Variants in SKIL observed in about 807,000 individuals in gnomAD.
SKIL encodes the protein ski-like protein.
In SKIL, 20 loss-of-function variants were observed where a neutral mutation model predicts 69.6. The observed-to-expected ratio is 0.29, with a 90% CI of 0.20 to 0.42. The LOEUF is 0.42. SKIL is among the 10% of genes least tolerant of loss of function. SKIL has a pLI of 1.00. For synonymous variants in SKIL, 310 were observed against 279.9 expected (o/e 1.11, Z -1.08); for missense variants, 745 against 783.1 (o/e 0.95, Z 0.58).
chr3:170,378,528 T>G (rs934759942), intron 2 of SKIL, among the ~76,000 whole-genome samples: 2 of 150,720 alleles, frequency 1.3e-5, no homozygotes, highest in South Asian at 4.2e-4. Context: ...TTTGTTGAAT[T>G]GGGAATTGGA....
chr3:170,371,643 A>G (rs528507256), intron 2 of SKIL, among the ~76,000 whole-genome samples: 1 of 152,338 alleles, frequency 6.6e-6, no homozygotes, highest in South Asian at 2.1e-4. Context: ...AGGGTTCCAT[A>G]AGGGGAGATT....
At chr3:170,386,003 G>T (rs1261975695) in intron 4 of SKIL, among the ~76,000 whole-genome samples, 1 of 149,900 alleles carries the variant, frequency 6.7e-6, no homozygotes, top group Non-Finnish European at 1.5e-5. Flanking sequence ...TGTTGGTCAG[G>T]CTGGTCTTGA....
At position 170,392,944 on chromosome 3, in the gene SKIL, A is replaced by G. The variant is rs1737999372; in HGVS notation, c.*527A>G. On this transcript the variant is annotated 3_prime_UTR_variant, in exon 7 of 7. Coordinates refer to ENST00000259119, the MANE Select transcript of SKIL (RefSeq NM_005414.5). ...TTACTTTGTTCAGATTGTGGAATGA[A>G]TTTCCACCAGTTCTCTTCTTTTTAA... 6.6e-6 allele frequency: 1 copy of G among 152,272 alleles called. No homozygotes were observed. Among genetic ancestry groups the G allele is most frequent in the Non-Finnish European group, 1.5e-5 (1 of 68,086 alleles). The allele number at this position is 152,272 out of a possible 1,614,324, so 9.4% of individuals were successfully genotyped here.
intron 4 of SKIL, among the ~76,000 whole-genome samples, chr3:170,386,390 A>C (rs145817584): frequency 5.1e-4 from 78 of 152,274 alleles, no homozygotes; most frequent in African/African-American, 1.7e-3. Context: ...TCGGCCTCCC[A>C]AAGTGCTGGG....
intron 2 of SKIL, among the ~76,000 whole-genome samples, chr3:170,368,335 A>G (rs539445579): frequency 6.6e-6 from 1 of 151,898 alleles, no homozygotes; most frequent in South Asian, 2.1e-4. Flanking sequence ...ACTAGTTTAC[A>G]GAGTATTTTT....
At chr3:170,373,540 A>T (rs1736885480) in intron 2 of SKIL, among the ~76,000 whole-genome samples, 1 of 152,196 alleles carries the variant, frequency 6.6e-6, no homozygotes. Context: ...TGGAATTCCC[A>T]CTAGTGTTTT....
intron 2 of SKIL, among the ~76,000 whole-genome samples, chr3:170,365,984 G>A (rs1736488784): frequency 6.6e-6 from 1 of 151,090 alleles, no homozygotes; most frequent in South Asian, 2.1e-4. Context: ...TTGAACTCCT[G>A]ACCTCAGATG....
chr3:170,363,312 T>G (rs943873295), intron 2 of SKIL, among the ~76,000 whole-genome samples: 1 of 152,198 alleles, frequency 6.6e-6, no homozygotes, highest in Non-Finnish European at 1.5e-5. Context: ...TTTAAGGTTT[T>G]GAGGGAAATT....
intron 2 of SKIL, among the ~76,000 whole-genome samples, chr3:170,363,926 A>G (rs778055430): frequency 3.3e-5 from 5 of 151,988 alleles, no homozygotes; most frequent in Non-Finnish European, 7.4e-5. Flanking sequence ...TATTTGTGAT[A>G]TCTTGCCCCC....
rs1486854478 is a variant in SKIL, at chr3:170,394,883, A to T, written c.*2466A>T. ...TTGGCTAAAATACCTTATCCATATA[A>T]AACTTATTCTATTCTTTGCATGCTT... On this transcript the variant is annotated 3_prime_UTR_variant, in exon 7 of 7. Transcript: ENST00000259119. 6.6e-6 allele frequency: 1 copy of T among 152,156 alleles called. No homozygotes were observed. The highest frequency in any genetic ancestry group is 2.4e-5 in the African/African-American group (1 of 41,444). 9.4% of individuals were successfully genotyped at this position (152,156 alleles called of 1,614,324 possible).
intron 2 of SKIL, 85 bp from the exon 3 acceptor site, chr3:170,381,159 C>T: frequency 7.9e-6 from 6 of 761,468 alleles, no homozygotes; most frequent in East Asian, 2.5e-5. Flanking sequence ...GTTGTCTTTA[C>T]CCAGTGGCCC....
chr3:170,367,125 T>C (rs1736569968), intron 2 of SKIL, among the ~76,000 whole-genome samples: 1 of 152,214 alleles, frequency 6.6e-6, no homozygotes, highest in Non-Finnish European at 1.5e-5. Flanking sequence ...TTGTTTTTTT[T>C]GAGACGAGAG....
Position 170,360,704 on chromosome 3 carries a change from C to T in SKIL, c.373C>T (p.Pro125Ser). Residue 125 changes from proline (P) to serine (S), a missense_variant, in exon 2 of 7, where the codon CCA becomes TCA. By Grantham distance (74) the Pro-to-Ser change is moderately conservative. Transcript: ENST00000259119. ...SMSPTVFLPL[P>S]SPQVLPGPLL... ...GTCGCCTACTGTATTTCTGCCTCTTCCATCACCTCAGGTTCTTCCTGGCCC... is the reference window on the plus strand; with the variant it reads ...GTCGCCTACTGTATTTCTGCCTCTTTCATCACCTCAGGTTCTTCCTGGCCC... 1.2e-6 allele frequency: 2 copies of T among 1,614,212 alleles called. No homozygotes were observed. Among genetic ancestry groups the T allele is most frequent in the Non-Finnish European group, 1.7e-6 (2 of 1,180,030 alleles).
intron 2 of SKIL, among the ~76,000 whole-genome samples, chr3:170,377,063 CT>C (rs1737065861): frequency 6.6e-6 from 1 of 152,152 alleles, no homozygotes; most frequent in Non-Finnish European, 1.5e-5. Flanking sequence ...TCAGCTGTCA[CT>C]TAGCATCTAT....
At chr3:170,377,449 T>C (rs1577428419) in intron 2 of SKIL, among the ~76,000 whole-genome samples, 1 of 149,888 alleles carries the variant, frequency 6.7e-6, no homozygotes, top group Admixed American at 6.7e-5. Flanking sequence ...AGACCTTCAC[T>C]GAATATTCAA....
chr3:170,371,341 AAAT>A (rs1399839730), intron 2 of SKIL, among the ~76,000 whole-genome samples: 2 of 152,044 alleles, frequency 1.3e-5, no homozygotes, highest in African/African-American at 4.8e-5. Flanking sequence ...TCTCTACTAA[AAAT>A]AATAATAAAA....
At chr3:170,379,484 C>CCT (rs10634302) in intron 2 of SKIL, among the ~76,000 whole-genome samples, 116,498 of 151,744 alleles carry the variant, frequency 0.77, 45,504 homozygotes, top group East Asian at 0.93. Context: ...TCTTGCCCCC[C>CCT]CTTTTAAGTA....
At chr3:170,365,752 CTTTTTTTT>C (rs59222162) in intron 2 of SKIL, among the ~76,000 whole-genome samples, 5 of 106,452 alleles carry the variant, frequency 4.7e-5, no homozygotes, top group Non-Finnish European at 3.7e-5. Context: ...TCAAACTAGG[CTTTTTTTT>C]TTTTTTTTTT....
intron 2 of SKIL, among the ~76,000 whole-genome samples, chr3:170,371,686 T>G (rs2108902897): frequency 6.6e-6 from 1 of 152,282 alleles, no homozygotes; most frequent in East Asian, 1.9e-4. Flanking sequence ...GAGTGCTGGT[T>G]TTGTCATTTC....
Sources: allele counts gnomAD v4.1 joint callset (sites outside exome capture counted in the v4.1 genomes callset), GRCh38; gene constraint gnomAD v4.1.1; transcripts MANE v1.5; gene names NCBI Gene and HGNC (gene_info 2026-07-23, HGNC 2026-07-21).